Variants in WASF2 observed in about 807,000 individuals in gnomAD.
WASF2 encodes the protein actin-binding protein WASF2.
WASF2 carries 14 observed loss-of-function variants against 45.0 expected under a neutral mutation model. That is an observed-to-expected ratio of 0.31 (90% CI 0.21 to 0.49). The LOEUF is 0.49. Ranked by LOEUF, WASF2 falls within the 20% of genes least tolerant of loss-of-function variation. The pLI, the probability that WASF2 is intolerant of heterozygous loss-of-function variation, is 0.99. For synonymous variants in WASF2, 200 were observed against 236.3 expected, an observed-to-expected ratio of 0.85 and a Z score of 1.41; for missense variants, 439 against 636.1, an observed-to-expected ratio of 0.69 and a Z score of 3.33.
At chr1:27,473,002 C>CA (rs1286387442) in intron 1 of WASF2, among the ~76,000 whole-genome samples, 3 of 133,136 alleles carry the variant, frequency 2.3e-5, no homozygotes, top group Non-Finnish European at 4.9e-5. Context: ...AAACAAACAA[C>CA]AAAAAAAATT....
At chr1:27,466,767 T>C (rs568313199) in intron 1 of WASF2, among the ~76,000 whole-genome samples, 1 of 152,002 alleles carries the variant, frequency 6.6e-6, no homozygotes, top group East Asian at 1.9e-4. Flanking sequence ...CTTGGGAGGC[T>C]GAGGTGGGAG....
In WASF2 at chr1:27,408,231, T is replaced by C; in HGVS notation, c.1455A>G (p.Glu485=). ...CCTCATCAAATTCAGAGGAGTCATC[T>C]TCTGAGTCACTGTACTCAACAGCAA... ...RRIAVEYSDS[E]DDSSEFDEDD... is the part of the protein sequence containing the mutation. Residue 485 remains glutamate, a synonymous_variant, in exon 9 of 9, where the codon GAA becomes GAG. Transcript: ENST00000618852. The C allele has an allele frequency of 6.2e-7, 1 of 1,614,232 alleles. No individual in the cohort carries two copies. The highest frequency in any genetic ancestry group is 1.3e-5 in the African/African-American group (1 of 75,070).
In WASF2 at chr1:27,410,103, G is replaced by A. The variant is rs1172205680; in HGVS notation, c.928C>T (p.Pro310Ser). Residue 310 changes from proline to serine, a missense_variant, in exon 8 of 9, where the codon CCA becomes TCA. Pro to Ser is a moderately conservative substitution (Grantham distance 74, BLOSUM62 -1). Coordinates refer to ENST00000618852, the MANE Select transcript of WASF2 (RefSeq NM_006990.5). This position sits in a 1 kb window ranked among gnomAD's most constrained non-coding sequence, Gnocchi z 4.2. The part of the protein sequence containing the change: ...PPPAPPLGSP[P>S]GPKPGFAPPP... ...GGAGCAAACCCGGGTTTAGGGCCTGGTGGAGAGCCTAGAGGAGGAGCTGGT... is the reference window on the plus strand; with the variant it reads ...GGAGCAAACCCGGGTTTAGGGCCTGATGGAGAGCCTAGAGGAGGAGCTGGT... The A allele has an allele frequency of 6.2e-7, 1 of 1,613,682 alleles. No homozygotes were observed. The highest frequency in any genetic ancestry group is 1.1e-5 in the South Asian group (1 of 91,042).
intron 1 of WASF2, among the ~76,000 whole-genome samples, chr1:27,439,559 C>T (rs2017180837): frequency 6.6e-6 from 1 of 152,156 alleles, no homozygotes; most frequent in Non-Finnish European, 1.5e-5. Flanking sequence ...CCCTTGACTC[C>T]AGGAGCTTAT....
chr1:27,412,553 A>C lies in WASF2; in HGVS notation c.824+19T>G. 1 of 1,613,640 alleles carries C rather than the reference A, an allele frequency of 6.2e-7. No individual in the cohort carries two copies. The highest frequency in any genetic ancestry group is 8.5e-7 in the Non-Finnish European group (1 of 1,179,770). ...GTGTATAACTACCAATAGTGGATGG[A>C]GTAGGTACCACCATTTACCTGAATT... On this transcript the variant is annotated intron_variant, in intron 7 of 8. Coordinates refer to ENST00000618852, the MANE Select transcript of WASF2 (RefSeq NM_006990.5).
chr1:27,420,061 T>G (rs1262155900), intron 2 of WASF2, among the ~76,000 whole-genome samples: 1 of 152,046 alleles, frequency 6.6e-6, no homozygotes. Flanking sequence ...CGCACCACCA[T>G]GCCAAACTAA....
intron 1 of WASF2, among the ~76,000 whole-genome samples, chr1:27,429,943 AC>A (rs2017039077): frequency 6.6e-6 from 1 of 152,102 alleles, no homozygotes; most frequent in South Asian, 2.1e-4. Flanking sequence ...TTTCTCTTCT[AC>A]CCAACAGCTC....
intron 1 of WASF2, among the ~76,000 whole-genome samples, chr1:27,474,229 C>T (rs2017734157): frequency 6.6e-6 from 1 of 152,106 alleles, no homozygotes; most frequent in African/African-American, 2.4e-5. Context: ...TTACATCATT[C>T]TCTTTACTTA....
chr1:27,420,870 G>A (rs2016899311), intron 2 of WASF2, among the ~76,000 whole-genome samples: 1 of 152,042 alleles, frequency 6.6e-6, no homozygotes, highest in African/African-American at 2.4e-5. Flanking sequence ...AAGAGACTGT[G>A]CCCAATCAAA....
chr1:27,471,577 G>A (rs531459557), intron 1 of WASF2, among the ~76,000 whole-genome samples: 21 of 152,044 alleles, frequency 1.4e-4, no homozygotes, highest in Non-Finnish European at 2.6e-4. Flanking sequence ...GCAGAAAGCC[G>A]AGATGGCGCC....
intron 1 of WASF2, among the ~76,000 whole-genome samples, chr1:27,446,033 CT>C (rs1254086062): frequency 4.6e-5 from 7 of 151,982 alleles, no homozygotes; most frequent in African/African-American, 1.7e-4. Flanking sequence ...TCTCCCATCT[CT>C]TTCTGCATAT....
At chr1:27,434,309 G>A (rs2017103552) in intron 1 of WASF2, among the ~76,000 whole-genome samples, 1 of 152,168 alleles carries the variant, frequency 6.6e-6, no homozygotes. Context: ...AATCAAAGAT[G>A]TTATAATTTT....
intron 1 of WASF2, among the ~76,000 whole-genome samples, chr1:27,454,123 G>A (rs1305217438): frequency 9.6e-6 from 1 of 104,010 alleles, no homozygotes; most frequent in African/African-American, 4.0e-5. Flanking sequence ...ATATATATGT[G>A]TGTATATATA....
chr1:27,443,207 G>C (rs1243958326), intron 1 of WASF2, among the ~76,000 whole-genome samples: 3 of 148,086 alleles, frequency 2.0e-5, no homozygotes, highest in Non-Finnish European at 4.5e-5. Flanking sequence ...GTGGTAGCAT[G>C]TACCTGTGGT....
chr1:27,439,444 G>A (rs2017179705), intron 1 of WASF2, among the ~76,000 whole-genome samples: 1 of 152,096 alleles, frequency 6.6e-6, no homozygotes, highest in African/African-American at 2.4e-5. Flanking sequence ...GTCTTAATAA[G>A]CTTCAGGTCG....
intron 1 of WASF2, among the ~76,000 whole-genome samples, chr1:27,443,307 T>TAAA (rs77018071): frequency 1.5e-4 from 8 of 53,320 alleles, no homozygotes; most frequent in Admixed American, 4.3e-4. Flanking sequence ...CACCGTCTCT[T>TAAA]AAAAAAAAAA....
intron 2 of WASF2, among the ~76,000 whole-genome samples, chr1:27,419,508 G>A: frequency 6.6e-6 from 1 of 152,184 alleles, no homozygotes. Context: ...CCAGCTACTG[G>A]GGAGGTTGAG....
chr1:27,410,205 A>T lies in WASF2; in HGVS notation c.826T>A (p.Tyr276Asn), dbSNP rs765740950. The change falls in exon 8 of 9, where the codon TAC (tyrosine) becomes AAC (asparagine). Residue 276 changes from tyrosine (Y) to asparagine (N), a missense_variant and splice_region_variant. By Grantham distance (143) the Tyr-to-Asn change is moderately radical (BLOSUM62 -2). Transcript: ENST00000618852. The surrounding 1 kb of genome is among the most constrained non-coding windows in gnomAD (Gnocchi z 4.2). ...NLPPPPAEFS[Y>N]PVDNQRGSGL... ...GATCCTCTTTGGTTGTCCACTGGGT[A>T]ACTAAAAGGCCAAAGAAAAAAAGAC... 1 of 1,614,132 alleles carries T rather than the reference A, an allele frequency of 6.2e-7. No individual in the cohort carries two copies. Among genetic ancestry groups the T allele is most frequent in the Non-Finnish European group, 8.5e-7 (1 of 1,180,002 alleles).
intron 6 of WASF2, 67 bp from the exon 7 acceptor site, chr1:27,412,794 G>C: frequency 6.3e-7 from 1 of 1,581,136 alleles, no homozygotes; most frequent in South Asian, 1.1e-5. Flanking sequence ...CTTCTTAAAA[G>C]GTACTACAAA....
Sources: allele counts gnomAD v4.1 joint callset (sites outside exome capture counted in the v4.1 genomes callset), GRCh38; gene constraint gnomAD v4.1.1; non-coding constraint Gnocchi (gnomAD v3.1); transcripts MANE v1.5; gene names NCBI Gene and HGNC (gene_info 2026-07-23, HGNC 2026-07-21).